Variants in MAP4 observed in about 807,000 individuals in gnomAD.
MAP4 encodes the protein microtubule-associated protein 4.
A neutral mutation model predicts 170.2 loss-of-function variants in MAP4; 76 were observed. That is an observed-to-expected ratio of 0.45 (90% CI 0.37 to 0.54). MAP4 has a LOEUF of 0.54. Ranked by LOEUF, MAP4 falls within the 20% of genes least tolerant of loss-of-function variation. The probability of loss-of-function intolerance (pLI) is 0.00; values close to 1 mark genes in which losing one functional copy is unlikely to be tolerated. For missense variants in MAP4, 2,506 were observed against 2,748.0 expected, an observed-to-expected ratio of 0.91 and a Z score of 1.97; for synonymous variants, 909 against 994.5, an observed-to-expected ratio of 0.91 and a Z score of 1.62.
chr3:48,009,487 C>T (rs761204298), intron 1 of MAP4, among the ~76,000 whole-genome samples: 61 of 152,176 alleles, frequency 4.0e-4, no homozygotes, highest in Non-Finnish European at 5.3e-4. Context: ...TAAAGAAGTG[C>T]GGCAGTAGGC....
intron 11 of MAP4, chr3:47,876,987 T>C (rs2095572332): frequency 6.5e-6 from 1 of 153,454 alleles, no homozygotes; most frequent in Admixed American, 6.5e-5. Flanking sequence ...GTTCAAGCAA[T>C]CCTCCTGCCT....
chr3:48,083,394 G>C (rs2100147558), intron 1 of MAP4, among the ~76,000 whole-genome samples: 1 of 152,170 alleles, frequency 6.6e-6, no homozygotes, highest in Non-Finnish European at 1.5e-5. Context: ...TTTTGAGACA[G>C]TCTCGCTGTA....
intron 3 of MAP4, 21 bp from the exon 4 acceptor site, chr3:47,928,371 CA>C (rs1254787159): frequency 6.2e-7 from 1 of 1,613,058 alleles, no homozygotes; most frequent in Non-Finnish European, 8.5e-7. Context: ...AGACACAAAA[CA>C]AAAGTTACAA....
At chr3:48,021,482 G>T (rs2100110537) in intron 1 of MAP4, among the ~76,000 whole-genome samples, 1 of 152,048 alleles carries the variant, frequency 6.6e-6, no homozygotes, top group African/African-American at 2.4e-5. Flanking sequence ...TGAATAGCTG[G>T]GACCACAGGC....
In MAP4 at chr3:47,871,935, G is replaced by A. The variant is rs116732875; in HGVS notation, c.5923C>T (p.Leu1975=). The change falls in exon 13 of 21, where the codon CTG becomes TTG. Residue 1975 remains leucine (L), a synonymous_variant. Transcript: ENST00000683076. ...TACTCACCAGTGGGCTTCTTGGGCA[G>A]GAGCGTGGAGGGGCTCCTACTGCTT... ...GPSSRSPSTL[L]PKKPTAIKTE... 7.9e-5 allele frequency: 128 copies of A among 1,612,322 alleles called. No individual in the cohort carries two copies. In the African/African-American group the frequency reaches 1.7e-3, roughly 21 times the overall value.
Position 47,852,695 on chromosome 3 carries a change from A to G in MAP4, c.*239T>C. The stretch of plus-strand genomic sequence containing the variant: ...TGGGCCCAGGCTGGGGAGTGAGAGG[A>G]GGTGTGGGGCAGGGCTGCTGCTGCC... On this transcript the variant is annotated 3_prime_UTR_variant, in exon 21 of 21. Coordinates refer to ENST00000683076, the MANE Select transcript of MAP4 (RefSeq NM_001385682.1). The G allele has an allele frequency of 6.9e-7, 1 of 1,441,942 alleles. No individual in the cohort carries two copies. The highest frequency in any genetic ancestry group is 2.5e-5 in the East Asian group (1 of 40,194). The allele number at this position is 1,441,942 out of a possible 1,614,324, so 89.3% of individuals were successfully genotyped here.
rs1577098249 is a variant in MAP4 at position 47,887,901 on chromosome 3, T to C, written c.5435-10378A>G. Among the ~76,000 whole-genome samples, 3 of 152,262 alleles carry C rather than the reference T, an allele frequency of 2.0e-5. No individual in the cohort carries two copies. The South Asian group carries it at 6.2e-4, about 32-fold the overall frequency. On this transcript the variant is annotated intron_variant, in intron 10 of 20. Coordinates refer to ENST00000683076, the MANE Select transcript of MAP4 (RefSeq NM_001385682.1). Reference sequence around the variant, plus strand: ...TTTGTAAACACACCAATCAGCACCCTGTGTTTAGCTCAAGGTTTGTGAATG... The same window carrying C: ...TTTGTAAACACACCAATCAGCACCCCGTGTTTAGCTCAAGGTTTGTGAATG...
At chr3:47,959,758 C>CAAAA (rs1328400083) in intron 3 of MAP4, among the ~76,000 whole-genome samples, 3 of 66,506 alleles carry the variant, frequency 4.5e-5, no homozygotes, top group African/African-American at 1.4e-4. Flanking sequence ...GACTCCATCT[C>CAAAA]AAAAAAAAAA....
rs71070241 is a variant in MAP4 at position 47,920,544 on chromosome 3, GTTTTTT to G, written c.529+1215_529+1220del. ...GGGCGTGTGCCACTGCACCCAGATG[GTTTTTT>G]TTTTTTTTTTTTTTTTTTAAGACAG... On this transcript the variant is annotated intron_variant, in intron 5 of 20. Coordinates refer to ENST00000683076, the MANE Select transcript of MAP4 (RefSeq NM_001385682.1). Among the ~76,000 whole-genome samples the G allele has an allele frequency of 3.0e-4, 29 of 96,578 alleles. No homozygotes were observed. In the East Asian group the frequency reaches 8.8e-3, roughly 29 times the overall value. 63.4% of individuals were successfully genotyped at this position (96,578 alleles called of 152,430 possible).
At chr3:47,983,355 G>A (rs1653101581) in intron 2 of MAP4, among the ~76,000 whole-genome samples, 1 of 151,950 alleles carries the variant, frequency 6.6e-6, no homozygotes, top group Non-Finnish European at 1.5e-5. Flanking sequence ...GACAACAGGT[G>A]TGCACCGCCA....
chr3:47,970,631 G>C (rs1258842038), intron 3 of MAP4, among the ~76,000 whole-genome samples: 1 of 151,802 alleles, frequency 6.6e-6, no homozygotes, highest in Non-Finnish European at 1.5e-5. Flanking sequence ...CCAACATGGT[G>C]AAACTCCATC....
At chr3:47,971,499 C>T (rs190212175) in intron 3 of MAP4, among the ~76,000 whole-genome samples, 16 of 152,272 alleles carry the variant, frequency 1.1e-4, no homozygotes, top group Admixed American at 3.3e-4. Flanking sequence ...TCACTGCTGG[C>T]ATGACTTTAC....
intron 7 of MAP4, 37 bp downstream of exon 7, chr3:47,915,914 G>A (rs778885307): frequency 6.4e-7 from 1 of 1,570,528 alleles, no homozygotes; most frequent in Non-Finnish European, 8.6e-7. Context: ...CTACAACCTG[G>A]TAGAGAGAAA....
chr3:47,946,165 G>A (rs991129699), intron 3 of MAP4, among the ~76,000 whole-genome samples: 6 of 149,578 alleles, frequency 4.0e-5, no homozygotes, highest in Admixed American at 1.3e-4. Context: ...GGATGGTCTC[G>A]ATCTACTGAC....
Position 47,930,463 on chromosome 3 carries a change from C to A in MAP4, c.293-2113G>T, listed in dbSNP as rs866178021. On this transcript the variant is annotated intron_variant, in intron 3 of 20. Coordinates refer to ENST00000683076, the MANE Select transcript of MAP4 (RefSeq NM_001385682.1). The stretch of plus-strand genomic sequence containing the variant: ...CGAGACTCCGTCTCAAAAAAAAAAA[C>A]AAACAAACAAACAAAAAAAACAAAA... Among the ~76,000 whole-genome samples, 56 of 141,768 alleles carry A rather than the reference C, an allele frequency of 4.0e-4. 1 individual carries two copies. The South Asian group carries it at 4.5e-3, about 11-fold the overall frequency. The allele number at this position is 141,768 out of a possible 152,430, so 93.0% of individuals were successfully genotyped here. A position where few individuals can be genotyped will look rare whatever the true frequency, so the allele number is the denominator to read the frequency against.
intron 8 of MAP4, 21 bp downstream of exon 8, chr3:47,914,796 C>T: frequency 2.5e-6 from 4 of 1,613,936 alleles, no homozygotes; most frequent in Non-Finnish European, 3.4e-6. Context: ...TCAAAGAGTT[C>T]ATTTTGTTTT....
At chr3:47,967,286 G>C (rs916392022) in intron 3 of MAP4, among the ~76,000 whole-genome samples, 1 of 152,170 alleles carries the variant, frequency 6.6e-6, no homozygotes, top group Admixed American at 6.5e-5. Flanking sequence ...AGTGAGCCAT[G>C]AACGGGTCAC....
intron 3 of MAP4, among the ~76,000 whole-genome samples, chr3:47,969,345 G>A (rs1404673920): frequency 1.3e-5 from 2 of 151,894 alleles, no homozygotes; most frequent in Non-Finnish European, 2.9e-5. Flanking sequence ...GGCAGAGGTT[G>A]CAGTGAGCCA....
At chr3:47,960,111 G>A (rs2100070661) in intron 3 of MAP4, among the ~76,000 whole-genome samples, 2 of 152,090 alleles carry the variant, frequency 1.3e-5, no homozygotes, top group African/African-American at 4.8e-5. Flanking sequence ...TGATCCGCCT[G>A]CCTCGCCTCC....
Sources: gnomAD v4.1 joint callset for allele counts (sites outside exome capture counted in the v4.1 genomes callset) on GRCh38, gnomAD v4.1.1 for gene constraint, MANE v1.5 for transcripts, NCBI Gene and HGNC (gene_info 2026-07-23, HGNC 2026-07-21) for gene names.